Variants in ABHD12 observed in about 807,000 individuals in gnomAD.
ABHD12 encodes lysophosphatidylserine lipase ABHD12.
Under a neutral mutation model 58.3 loss-of-function variants are expected in ABHD12, and 43 were observed. The ratio of observed to expected loss-of-function variants is 0.74; its 90% CI spans 0.58 to 0.95. The LOEUF (loss-of-function observed/expected upper bound fraction) is 0.95, where lower values mean the gene tolerates loss of function less well. ABHD12 is among the 40% of genes least tolerant of loss of function. The pLI is 0.00. For missense variants in ABHD12, 539 were observed against 537.2 expected, an observed-to-expected ratio of 1.00 and a Z score of -0.03; for synonymous variants, 219 against 211.2, an observed-to-expected ratio of 1.04 and a Z score of -0.32.
intron 1 of ABHD12, among the ~76,000 whole-genome samples, chr20:25,366,292 TAAG>T (rs925681198): frequency 2.0e-4 from 30 of 152,158 alleles, no homozygotes; most frequent in Admixed American, 3.3e-4. Flanking sequence ...TTTTTTTTTT[TAAG>T]AAGGAGTTTC....
chr20:25,374,550 GT>G (rs1393596314), intron 1 of ABHD12, among the ~76,000 whole-genome samples: 1 of 152,024 alleles, frequency 6.6e-6, no homozygotes, highest in African/African-American at 2.4e-5. Context: ...CTGGAGTGCA[GT>G]GGCACGATCT....
intron 1 of ABHD12, among the ~76,000 whole-genome samples, chr20:25,351,022 T>C (rs1011108319): frequency 2.0e-5 from 3 of 150,174 alleles, no homozygotes; most frequent in Non-Finnish European, 3.0e-5. Flanking sequence ...CTTATTAAGC[T>C]GGTATATAAA....
chr20:25,309,298 T>C, intron 7 of ABHD12, 148 bp downstream of exon 7: 2 of 1,199,326 alleles, frequency 1.7e-6, no homozygotes, highest in East Asian at 4.8e-5. Flanking sequence ...CTTCCCCTCC[T>C]GCCTCTGCCA....
intron 6 of ABHD12, among the ~76,000 whole-genome samples, chr20:25,312,779 C>A (rs1218523982): frequency 6.6e-6 from 1 of 151,870 alleles, no homozygotes; most frequent in Non-Finnish European, 1.5e-5. Flanking sequence ...TGGGGAGCGC[C>A]TCTGCCCCGC....
At chr20:25,308,377 C>T in intron 8 of ABHD12, 80 bp downstream of exon 8, 1 of 1,538,378 alleles carries the variant, frequency 6.5e-7, no homozygotes, top group Non-Finnish European at 8.9e-7. Context: ...CATGAGGACG[C>T]TGAGCACTTG....
intron 1 of ABHD12, among the ~76,000 whole-genome samples, chr20:25,350,722 A>G (rs1349769069): frequency 6.6e-6 from 1 of 152,230 alleles, no homozygotes; most frequent in African/African-American, 2.4e-5. Flanking sequence ...AACAGACTCA[A>G]TGGACCCCCT....
At chr20:25,341,286 G>C (rs746178804) in intron 1 of ABHD12, among the ~76,000 whole-genome samples, 34 of 152,354 alleles carry the variant, frequency 2.2e-4, no homozygotes, top group Non-Finnish European at 2.4e-4. Context: ...TTACTGCCCA[G>C]GGTGATCTGA....
At chr20:25,340,747 A>G (rs2146038990) in intron 1 of ABHD12, among the ~76,000 whole-genome samples, 1 of 152,340 alleles carries the variant, frequency 6.6e-6, no homozygotes, top group East Asian at 1.9e-4. Flanking sequence ...TCCACAAAAG[A>G]CTGTATACTA....
intron 1 of ABHD12, among the ~76,000 whole-genome samples, chr20:25,383,954 CAAA>C (rs1201588127): frequency 5.6e-5 from 3 of 53,372 alleles, no homozygotes; most frequent in African/African-American, 1.6e-4. Flanking sequence ...GACTCTTTCT[CAAA>C]AAAAAAAAAA....
At chr20:25,295,342 G>C (rs2088524781), downstream of ABHD12, among the ~76,000 whole-genome samples, 1 of 152,264 alleles carries the variant, frequency 6.6e-6, no homozygotes, top group East Asian at 1.9e-4. Flanking sequence ...CGTTTTAAAT[G>C]CCAGTTTATT....
downstream of ABHD12, chr20:25,297,957 T>C (rs2088575813): frequency 6.6e-6 from 1 of 152,158 alleles, no homozygotes; most frequent in Non-Finnish European, 1.5e-5. Context: ...TGCCCCTCAT[T>C]GTTACTGCCT....
At chr20:25,368,310 T>C in intron 1 of ABHD12, 1 of 1,543,396 alleles carries the variant, frequency 6.5e-7, no homozygotes, top group Non-Finnish European at 8.9e-7. Context: ...GTGATCTTCT[T>C]GCTGGTCTTG....
At chr20:25,296,749 A>G, downstream of ABHD12, 1 of 601,894 alleles carries the variant, frequency 1.7e-6, no homozygotes, top group South Asian at 2.1e-5. Flanking sequence ...TTGACAGTAC[A>G]AAGGGTCGTG....
chr20:25,351,579 G>A (rs1285490486), intron 1 of ABHD12, among the ~76,000 whole-genome samples: 1 of 152,210 alleles, frequency 6.6e-6, no homozygotes, highest in East Asian at 1.9e-4. Flanking sequence ...TTGGCCTCAA[G>A]TTGACCCTGG....
At chr20:25,329,415 TC>T (rs2089230577) in intron 2 of ABHD12, among the ~76,000 whole-genome samples, 2 of 152,092 alleles carry the variant, frequency 1.3e-5, no homozygotes, top group Non-Finnish European at 2.9e-5. Flanking sequence ...TGCTCCTGCT[TC>T]CCCCAGTTTT....
At chr20:25,334,875 C>T (rs2089336814) in intron 2 of ABHD12, among the ~76,000 whole-genome samples, 1 of 150,286 alleles carries the variant, frequency 6.7e-6, no homozygotes, top group Non-Finnish European at 1.5e-5. Context: ...TAGGCATTAC[C>T]ATTCAGGACA....
intron 1 of ABHD12, among the ~76,000 whole-genome samples, chr20:25,352,396 C>A (rs2089613111): frequency 6.6e-6 from 1 of 152,202 alleles, no homozygotes; most frequent in Non-Finnish European, 1.5e-5. Context: ...TCAAGCGATT[C>A]TCCTGCCTCA....
intron 6 of ABHD12, among the ~76,000 whole-genome samples, chr20:25,312,720 A>C: frequency 7.1e-6 from 1 of 141,798 alleles, no homozygotes; most frequent in East Asian, 2.2e-4. Flanking sequence ...CCGCCATCCC[A>C]TCTAGGAAGT....
At position 25,317,153 on chromosome 20, in the gene ABHD12, C is replaced by T. The variant is rs1394370754; in HGVS notation, c.543-75G>A. 4.8e-6 allele frequency: 5 copies of T among 1,033,568 alleles called. No individual in the cohort carries two copies. The African/African-American group carries it at 6.3e-5, about 13-fold the overall frequency. The allele number at this position is 1,033,568 out of a possible 1,614,324, so 64.0% of individuals were successfully genotyped here. The stretch of plus-strand genomic sequence containing the variant: ...CCCCAGGTCAACTTGTCCTCCATAC[C>T]CCAAACCAGGGGGAGGCCAATGAAA... On this transcript the variant is annotated intron_variant, in intron 4 of 12. Coordinates refer to ENST00000339157, the MANE Select transcript of ABHD12 (RefSeq NM_001042472.3).
Sources: allele counts gnomAD v4.1 joint callset (sites outside exome capture counted in the v4.1 genomes callset), GRCh38; gene constraint gnomAD v4.1.1; transcripts MANE v1.5; gene names NCBI Gene and HGNC (gene_info 2026-07-23, HGNC 2026-07-21).